The following PRDM16 variants were observed in gnomAD, a reference collection of about 807,000 sequenced individuals.
The protein encoded by PRDM16 is PR/SET domain 16.
Under a neutral mutation model 110.6 loss-of-function variants are expected in PRDM16, and 23 were observed. The observed-to-expected ratio is 0.21, with a 90% confidence interval of 0.15 to 0.29. The LOEUF (loss-of-function observed/expected upper bound fraction) is 0.29, where lower values mean the gene tolerates loss of function less well. Among genes scored for constraint, PRDM16 ranks in the 10% least tolerant of loss-of-function variants. The pLI is 1.00. For synonymous variants in PRDM16, 799 were observed against 781.8 expected, an observed-to-expected ratio of 1.02 and a Z score of -0.37; for missense variants, 1,615 against 1,794.3, an observed-to-expected ratio of 0.90 and a Z score of 1.81.
At chr1:3,319,379 C>G (rs1418305965) in intron 3 of PRDM16, among the ~76,000 whole-genome samples, 4 of 152,184 alleles carry the variant, frequency 2.6e-5, no homozygotes, top group Non-Finnish European at 4.4e-5. Context: ...GTATTTATTC[C>G]AAAATGTTTG....
At chr1:3,293,318 C>T (rs867252345) in intron 3 of PRDM16, among the ~76,000 whole-genome samples, 5 of 152,220 alleles carry the variant, frequency 3.3e-5, no homozygotes, top group African/African-American at 1.2e-4. Context: ...TCCAGGTCAG[C>T]GGGACCAGCA....
intron 3 of PRDM16, among the ~76,000 whole-genome samples, chr1:3,348,760 G>C (rs763227187): frequency 6.6e-6 from 1 of 152,234 alleles, no homozygotes; most frequent in Non-Finnish European, 1.5e-5. Flanking sequence ...GACCGGGGCC[G>C]CAGTGAGCCT....
Position 3,357,070 on chromosome 1 carries a change from G to A in PRDM16, c.439-28082G>A, listed in dbSNP as rs142919596. Among the ~76,000 whole-genome samples, 1,048 of 152,288 alleles carry A rather than the reference G, an allele frequency of 6.9e-3. 10 individuals are homozygous for A. Among genetic ancestry groups the A allele is most frequent in the African/African-American group, 0.023 (971 of 41,560 alleles). ...CTGAAAGTTGCTGCCATCCTCAGGC[G>A]GGTGCAGAAAAGGAGTTTCTGCTGT... On this transcript the variant is annotated intron_variant, in intron 3 of 16. Transcript: ENST00000270722.
At chr1:3,324,141 G>A (rs981034562) in intron 3 of PRDM16, among the ~76,000 whole-genome samples, 8 of 151,942 alleles carry the variant, frequency 5.3e-5, no homozygotes, top group Non-Finnish European at 8.8e-5. Flanking sequence ...CGCCAAGAGG[G>A]AGCATGGGGC....
rs1642533306 is a variant in PRDM16 at position 3,353,458 on chromosome 1, T to A, written c.439-31694T>A. On this transcript the variant is annotated intron_variant, in intron 3 of 16. Coordinates refer to ENST00000270722, the MANE Select transcript of PRDM16 (RefSeq NM_022114.4). The surrounding 1 kb of genome is among the most constrained non-coding windows in gnomAD (Gnocchi z 5.4). ...CCTCTGCGTTTGTCCTTGGGGTCAT[T>A]GAGGAATCTCAGCACTGGCCCTGGC... is the stretch of plus-strand genomic sequence containing the variant. Among the ~76,000 whole-genome samples the A allele has an allele frequency of 6.6e-6, 1 of 152,130 alleles. No homozygotes were observed. Among genetic ancestry groups the A allele is most frequent in the Non-Finnish European group, 1.5e-5 (1 of 67,994 alleles).
At chr1:3,118,090 T>G (rs1030894188) in intron 1 of PRDM16, among the ~76,000 whole-genome samples, 2 of 151,544 alleles carry the variant, frequency 1.3e-5, no homozygotes, top group Admixed American at 6.6e-5. Flanking sequence ...TGCATGTGTA[T>G]GTGTGTACAT....
chr1:3,291,581 T>A (rs1640974255), intron 3 of PRDM16, among the ~76,000 whole-genome samples: 1 of 151,916 alleles, frequency 6.6e-6, no homozygotes, highest in African/African-American at 2.4e-5. Context: ...CCCCTGCCCA[T>A]CCCCTCTTGA....
chr1:3,304,321 A>T (rs916663602), intron 3 of PRDM16, among the ~76,000 whole-genome samples: 2 of 152,240 alleles, frequency 1.3e-5, no homozygotes, highest in African/African-American at 4.8e-5. Flanking sequence ...CTGGTTGGTC[A>T]TATCTGTGTG....
At chr1:3,387,807 GAAT>G (rs1460316610) in intron 4 of PRDM16, among the ~76,000 whole-genome samples, 1 of 152,214 alleles carries the variant, frequency 6.6e-6, no homozygotes, top group Non-Finnish European at 1.5e-5. Context: ...ATTTTCCTTT[GAAT>G]AATAATAAGA....
At chr1:3,159,104 C>T (rs1643879670) in intron 1 of PRDM16, among the ~76,000 whole-genome samples, 2 of 152,204 alleles carry the variant, frequency 1.3e-5, no homozygotes, top group African/African-American at 4.8e-5. Flanking sequence ...AAAGTGAGCC[C>T]CTGATCGGTA....
chr1:3,283,936 C>T (rs865988119), intron 3 of PRDM16, among the ~76,000 whole-genome samples: 19 of 152,324 alleles, frequency 1.2e-4, no homozygotes, highest in Middle Eastern at 3.4e-3. Flanking sequence ...TTCGGGGGAC[C>T]GGTGCGCGGT....
At chr1:3,264,360 C>A (rs897347282) in intron 3 of PRDM16, among the ~76,000 whole-genome samples, 17 of 142,818 alleles carry the variant, frequency 1.2e-4, no homozygotes, top group African/African-American at 4.5e-4. Context: ...TGTGGAGGGG[C>A]ATCCGAGGAC....
rs995582392 is a variant in PRDM16 at position 3,246,965 on chromosome 1, G to C, written c.438+2828G>C. Among the ~76,000 whole-genome samples the C allele has an allele frequency of 1.3e-4, 20 of 152,282 alleles. No homozygotes were observed. Among genetic ancestry groups the C allele is most frequent in the Admixed American group, 1.1e-3 (17 of 15,298 alleles). The stretch of plus-strand genomic sequence containing the variant: ...CCTGCAAACAAATGCGCCACTTAGA[G>C]CTGTTGGTATAGGTGCGATGTGTGG... On this transcript the variant is annotated intron_variant, in intron 3 of 16. Coordinates refer to ENST00000270722, the MANE Select transcript of PRDM16 (RefSeq NM_022114.4). The surrounding 1 kb of genome is among the most constrained non-coding windows in gnomAD (Gnocchi z 5.2).
At chr1:3,211,872 G>A (rs542970615) in intron 2 of PRDM16, among the ~76,000 whole-genome samples, 1 of 152,370 alleles carries the variant, frequency 6.6e-6, no homozygotes, top group East Asian at 1.9e-4. Context: ...CGGCGTGAGT[G>A]TGTGGGTGGG....
At chr1:3,145,029 G>A (rs376732902) in intron 1 of PRDM16, among the ~76,000 whole-genome samples, 15 of 152,164 alleles carry the variant, frequency 9.9e-5, no homozygotes, top group East Asian at 1.9e-4. Flanking sequence ...CTGCCCACTC[G>A]TCTTGGAAGG....
At chr1:3,196,998 G>C (rs1374926346) in intron 2 of PRDM16, among the ~76,000 whole-genome samples, 12 of 152,174 alleles carry the variant, frequency 7.9e-5, no homozygotes, top group Non-Finnish European at 1.5e-4. Context: ...CGCTGAGGCT[G>C]GGGGGTGAGC....
rs761372158 is a variant in PRDM16 at position 3,353,956 on chromosome 1, C to T, written c.439-31196C>T. On this transcript the variant is annotated intron_variant, in intron 3 of 16. Transcript: ENST00000270722. The surrounding 1 kb of genome is among the most constrained non-coding windows in gnomAD (Gnocchi z 5.4). ...GCTGCCCACCCAACACTGCTGAGCC[C>T]ACACAGGCCCAAGAGAAAAGGGAAG... is the stretch of plus-strand genomic sequence containing the variant. Among the ~76,000 whole-genome samples, 1 of 152,150 alleles carries T rather than the reference C, an allele frequency of 6.6e-6. No individual in the cohort carries two copies. Among genetic ancestry groups the T allele is most frequent in the Non-Finnish European group, 1.5e-5 (1 of 68,024 alleles).
chr1:3,432,206 T>C (rs1638788151), intron 16 of PRDM16, 66 bp downstream of exon 16: 2 of 1,457,066 alleles, frequency 1.4e-6, no homozygotes, highest in Non-Finnish European at 9.5e-7. Context: ...CAGCCAGCAC[T>C]CCTCTCCCGC....
At chr1:3,195,303 G>A (rs1394356402) in intron 2 of PRDM16, among the ~76,000 whole-genome samples, 1 of 152,164 alleles carries the variant, frequency 6.6e-6, no homozygotes, top group African/African-American at 2.4e-5. Flanking sequence ...GCCCAAGAAT[G>A]CCATGAAATC....
Sources: allele counts gnomAD v4.1 joint callset (sites outside exome capture counted in the v4.1 genomes callset), GRCh38; gene constraint gnomAD v4.1.1; non-coding constraint Gnocchi (gnomAD v3.1); transcripts MANE v1.5; gene names NCBI Gene and HGNC (gene_info 2026-07-23, HGNC 2026-07-21).